LCA5L: variants seen among roughly 807,000 people sequenced by gnomAD.
The protein encoded by LCA5L is lebercilin LCA5 like, also known as lebercilin-like protein.
In LCA5L, 35 loss-of-function variants were observed where a neutral mutation model predicts 45.4. The observed-to-expected ratio is 0.77, with a 90% confidence interval of 0.59 to 1.02. LCA5L has a LOEUF of 1.02. Ranked by LOEUF, LCA5L falls within the 50% of genes least tolerant of loss-of-function variation. LCA5L has a pLI of 0.00. For synonymous variants in LCA5L, 233 were observed against 264.7 expected (o/e 0.88, Z 1.16); for missense variants, 668 against 761.6 (o/e 0.88, Z 1.45).
At chr21:39,411,060 G>A in intron 8 of LCA5L, 1 of 380,446 alleles carries the variant, frequency 2.6e-6, no homozygotes, top group Non-Finnish European at 5.2e-6. Context: ...TAATGATAGT[G>A]GCATCAATAT....
chr21:39,406,461 A>G lies in LCA5L; in HGVS notation c.1434T>C (p.Pro478=). Residue 478 remains proline (P), a synonymous_variant, in exon 11 of 11, where the codon CCT becomes CCC. Transcript: ENST00000288350. The stretch of plus-strand genomic sequence containing the variant: ...CATCTTCTTGATTGCTTTCTCTTTC[A>G]GGATGAATAACTTCAATTATTTTTG... ...LPPKIIEVIH[P]ERESNQEDVL... 6.2e-7 allele frequency: 1 copy of G among 1,614,022 alleles called. No homozygotes were observed. Among genetic ancestry groups the G allele is most frequent in the Non-Finnish European group, 8.5e-7 (1 of 1,179,968 alleles).
chr21:39,428,748 G>GA (rs1309038910), intron 4 of LCA5L, among the ~76,000 whole-genome samples: 2 of 149,770 alleles, frequency 1.3e-5, no homozygotes, highest in Non-Finnish European at 3.0e-5. Flanking sequence ...GAGTAGCTGG[G>GA]ACTACGAGTG....
In LCA5L at chr21:39,406,416, A is replaced by G. The variant is rs145294478; in HGVS notation, c.1479T>C (p.Phe493=). Residue 493 remains phenylalanine, a synonymous_variant, in exon 11 of 11, where the codon TTT becomes TTC. Coordinates refer to ENST00000288350, the MANE Select transcript of LCA5L (RefSeq NM_152505.4). ...NQEDVLVREK[F]KRSMQRNGVD... is the part of the protein sequence containing the mutation. The stretch of plus-strand genomic sequence containing the variant: ...CACCATTTCTCTGCATGCTTCTTTT[A>G]AACTTTTCTCTTACTAGAACATCTT... The G allele has an allele frequency of 5.6e-6, 9 of 1,614,142 alleles. No homozygotes were observed. The African/African-American group carries it at 1.2e-4, about 22-fold the overall frequency.
intron 1 of LCA5L, chr21:39,444,511 T>C (rs1198813453): frequency 6.6e-6 from 1 of 152,212 alleles, no homozygotes; most frequent in Non-Finnish European, 1.5e-5. Context: ...TTGTAATTTA[T>C]ATAATCCTTT....
chr21:39,410,051 C>G lies in LCA5L; in HGVS notation c.1210G>C (p.Glu404Gln). The G allele has an allele frequency of 1.2e-6, 2 of 1,611,256 alleles. No individual in the cohort carries two copies. The highest frequency in any genetic ancestry group is 1.7e-6 in the Non-Finnish European group (2 of 1,178,042). ...GNIDHKEKSTEINHEIPHCVN... is the reference protein window; with the variant it reads ...GNIDHKEKSTQINHEIPHCVN... Reference sequence around the variant, plus strand: ...CAGTGAGGAATTTCATGATTTATTTCAGTTGATTTTTCTTTATGATCGATG... The same window carrying G: ...CAGTGAGGAATTTCATGATTTATTTGAGTTGATTTTTCTTTATGATCGATG... Residue 404 changes from glutamate to glutamine, a missense_variant, in exon 10 of 11, where the codon GAA becomes CAA. Physicochemically the swap from Glu to Gln is conservative, Grantham distance 29. Transcript: ENST00000288350.
At chr21:39,419,523 C>CAAAAAAAAAAAAAA (rs5843964) in intron 7 of LCA5L, among the ~76,000 whole-genome samples, 2 of 123,504 alleles carry the variant, frequency 1.6e-5, no homozygotes, top group Non-Finnish European at 3.2e-5. Context: ...AGACCCTGTT[C>CAAAAAAAAAAAAAA]AAAAAAAAAA....
Position 39,405,839 on chromosome 21 carries a change from C to G in LCA5L, c.*43G>C. 7.2e-7 allele frequency: 1 copy of G among 1,385,332 alleles called. No homozygotes were observed. The highest frequency in any genetic ancestry group is 9.7e-7 in the Non-Finnish European group (1 of 1,030,812). 85.8% of individuals were successfully genotyped at this position (1,385,332 alleles called of 1,614,324 possible). On this transcript the variant is annotated 3_prime_UTR_variant, in exon 11 of 11. Transcript: ENST00000288350. ...AAAAATAAGATGCAAGGCACATAAG[C>G]AGCATTATATCAAACCAGAATGCAT...
intron 8 of LCA5L, among the ~76,000 whole-genome samples, chr21:39,410,619 G>T (rs566147938): frequency 1.1e-4 from 17 of 152,226 alleles, no homozygotes; most frequent in South Asian, 2.1e-4. Context: ...GTTGCTGTTG[G>T]AGGACAAGGC....
In LCA5L at chr21:39,420,275, A is replaced by C. The variant is rs575746001; in HGVS notation, c.975+431T>G. Among the ~76,000 whole-genome samples the C allele has an allele frequency of 1.5e-3, 226 of 152,280 alleles. 2 individuals carry two copies. The highest frequency in any genetic ancestry group is 5.0e-3 in the African/African-American group (206 of 41,568). On this transcript the variant is annotated intron_variant, in intron 7 of 10. Transcript: ENST00000288350. ...GGTGGCTCACACCTGTAATCCCAGC[A>C]CTATGGGAGACCAAGGCAGGTGGAT...
intron 7 of LCA5L, among the ~76,000 whole-genome samples, chr21:39,418,613 G>A (rs1220152499): frequency 6.6e-6 from 1 of 152,016 alleles, no homozygotes; most frequent in Admixed American, 6.6e-5. Flanking sequence ...CAATTCTCCT[G>A]CCTCAGCCTC....
At position 39,406,295 on chromosome 21, in the gene LCA5L, G is replaced by A. The variant is rs201027096; in HGVS notation, c.1600C>T (p.His534Tyr). 6.2e-7 allele frequency: 1 copy of A among 1,614,212 alleles called. No individual in the cohort carries two copies. Among genetic ancestry groups the A allele is most frequent in the East Asian group, 2.2e-5 (1 of 44,892 alleles). The change falls in exon 11 of 11, where the codon CAT becomes TAT. Residue 534 changes from histidine to tyrosine, a missense_variant. Physicochemically the swap from His to Tyr is moderately conservative, Grantham distance 83. Coordinates refer to ENST00000288350, the MANE Select transcript of LCA5L (RefSeq NM_152505.4). ...CCCCCTGAAGCAGGAAGCCCATGAT[G>A]CAGGTTTTCAGTTGCTTCTGTGAAT... Reference protein sequence around the residue: ...YSFTEATENLHHGLPASGGPA... With the variant: ...YSFTEATENLYHGLPASGGPA...
Position 39,422,988 on chromosome 21 carries a change from G to C in LCA5L, c.825C>G (p.Asp275Glu), listed in dbSNP as rs1380437387. 9.9e-6 allele frequency: 16 copies of C among 1,609,320 alleles called. No individual in the cohort carries two copies. Among genetic ancestry groups the C allele is most frequent in the Non-Finnish European group, 1.3e-5 (15 of 1,178,762 alleles). ...SIITTKMDAN[D>E]KKIQSLEKQL... The stretch of plus-strand genomic sequence containing the variant: ...CTGAAATACAGACCTGTATTTTTTT[G>C]TCATTTGCGTCCATTTTTGTTGTGA... Residue 275 changes from aspartate (D) to glutamate (E), a missense_variant, in exon 6 of 11, where the codon GAC becomes GAG. By Grantham distance (45) the Asp-to-Glu change is conservative (BLOSUM62 2). Transcript: ENST00000288350.
intron 2 of LCA5L, among the ~76,000 whole-genome samples, chr21:39,436,633 C>G (rs1230633688): frequency 6.6e-6 from 1 of 152,136 alleles, no homozygotes; most frequent in African/African-American, 2.4e-5. Context: ...AGGCATGTGT[C>G]ACCATGCCCA....
chr21:39,418,118 A>G (rs1371329737), intron 7 of LCA5L, among the ~76,000 whole-genome samples: 1 of 152,090 alleles, frequency 6.6e-6, no homozygotes, highest in East Asian at 1.9e-4. Flanking sequence ...ATTCACTATC[A>G]CAAGAACAGC....
chr21:39,417,473 C>A (rs2041421633), intron 7 of LCA5L, among the ~76,000 whole-genome samples: 1 of 152,130 alleles, frequency 6.6e-6, no homozygotes, highest in Non-Finnish European at 1.5e-5. Context: ...CTGCTGTTAT[C>A]CTATTACTGG....
Position 39,409,718 on chromosome 21 carries a change from G to C in LCA5L, c.1282+261C>G, listed in dbSNP as rs1314394935. On this transcript the variant is annotated intron_variant, in intron 10 of 10. Transcript: ENST00000288350. This position sits in a 1 kb window ranked among gnomAD's most constrained non-coding sequence, Gnocchi z 4.2. ...AGCGATTTTCCTGCCTCAGCCTCCT[G>C]AGTAGCTGGGATTACAGGCACATAC... is the stretch of plus-strand genomic sequence containing the variant. 6.6e-6 allele frequency among the ~76,000 whole-genome samples: 1 copy of C among 152,138 alleles called. No homozygotes were observed. The highest frequency in any genetic ancestry group is 1.5e-5 in the Non-Finnish European group (1 of 68,022).
chr21:39,419,245 C>T (rs1202451048), intron 7 of LCA5L, among the ~76,000 whole-genome samples: 1 of 152,098 alleles, frequency 6.6e-6, no homozygotes, highest in African/African-American at 2.4e-5. Context: ...AAAGATCAGG[C>T]TGGGTGTGGT....
At chr21:39,428,022 C>G in intron 5 of LCA5L, 150 bp downstream of exon 5, 1 of 581,840 alleles carries the variant, frequency 1.7e-6, no homozygotes, top group Non-Finnish European at 3.1e-6. Context: ...TCTCTATTTC[C>G]TAATTTATTC....
intron 10 of LCA5L, among the ~76,000 whole-genome samples, chr21:39,407,607 GTTA>G (rs2039307998): frequency 6.6e-6 from 1 of 152,214 alleles, no homozygotes; most frequent in Non-Finnish European, 1.5e-5. Flanking sequence ...ATTCCAGGCA[GTTA>G]TTATAGACAA....
Sources: allele counts gnomAD v4.1 joint callset (sites outside exome capture counted in the v4.1 genomes callset), GRCh38; gene constraint gnomAD v4.1.1; non-coding constraint Gnocchi (gnomAD v3.1); transcripts MANE v1.5; gene names NCBI Gene and HGNC (gene_info 2026-07-23, HGNC 2026-07-21).